The following BNIP3L variants were observed in gnomAD, a reference collection of about 807,000 sequenced individuals.
BNIP3L encodes BCL2 interacting protein 3 like, also known as BCL2/adenovirus E1B 19 kDa protein-interacting protein 3-like.
A neutral mutation model predicts 25.5 loss-of-function variants in BNIP3L; 10 were observed. The observed-to-expected ratio is 0.39, with a 90% CI of 0.24 to 0.67. The LOEUF (loss-of-function observed/expected upper bound fraction) is 0.67, where lower values mean the gene tolerates loss of function less well. Ranked by LOEUF, BNIP3L falls within the 30% of genes least tolerant of loss-of-function variation. The pLI, the probability that BNIP3L is intolerant of heterozygous loss-of-function variation, is 0.45. For missense variants in BNIP3L, 215 were observed against 270.9 expected, an observed-to-expected ratio of 0.79 and a Z score of 1.45; for synonymous variants, 113 against 101.2, an observed-to-expected ratio of 1.12 and a Z score of -0.70.
chr8:26,411,174 G>A lies in BNIP3L; in HGVS notation c.*762G>A, dbSNP rs1219790084. ...AGAATCTTTCTTTCTGATAAGGAAC[G>A]TCTCAGGCTTAGAAATATATGAAAT... On this transcript the variant is annotated 3_prime_UTR_variant, in exon 6 of 6. Transcript: ENST00000380629. 2.0e-5 allele frequency: 3 copies of A among 152,514 alleles called. No individual in the cohort carries two copies. The highest frequency in any genetic ancestry group is 4.4e-5 in the Non-Finnish European group (3 of 68,012). 9.4% of individuals were successfully genotyped at this position (152,514 alleles called of 1,614,324 possible). A position where few individuals can be genotyped will look rare whatever the true frequency, so the allele number is the denominator to read the frequency against.
chr8:26,396,363 C>G (rs1325001730), intron 3 of BNIP3L, among the ~76,000 whole-genome samples: 8 of 80,002 alleles, frequency 1.0e-4, no homozygotes, highest in East Asian at 3.3e-4. Context: ...AGCAGGGGCA[C>G]ACTGACACCT....
At chr8:26,389,829 A>G (rs1268824569) in intron 1 of BNIP3L, among the ~76,000 whole-genome samples, 2 of 152,156 alleles carry the variant, frequency 1.3e-5, no homozygotes, top group Admixed American at 6.6e-5. Flanking sequence ...GGTGATGTTC[A>G]GTTCACTCTG....
chr8:26,386,886 A>G (rs1023864060), intron 1 of BNIP3L, among the ~76,000 whole-genome samples: 6 of 150,252 alleles, frequency 4.0e-5, no homozygotes, highest in Admixed American at 6.6e-5. Context: ...TCAAAAATTT[A>G]TTTATTTATT....
chr8:26,396,298 T>A (rs1222967368), intron 3 of BNIP3L, among the ~76,000 whole-genome samples: 1 of 86,324 alleles, frequency 1.2e-5, no homozygotes, highest in Non-Finnish European at 2.4e-5. Flanking sequence ...GACTGCCTCC[T>A]CAAGTGGGTC....
chr8:26,398,007 C>A (rs1585435551), intron 3 of BNIP3L, among the ~76,000 whole-genome samples: 1 of 47,038 alleles, frequency 2.1e-5, no homozygotes, highest in African/African-American at 8.9e-5. Context: ...GACTTAGACT[C>A]CCACACATTA....
At position 26,383,063 on chromosome 8, in the gene BNIP3L, T is replaced by C; in HGVS notation, c.-68T>C. The C allele has an allele frequency of 7.0e-7, 1 of 1,436,802 alleles. No individual in the cohort carries two copies. 89.0% of individuals were successfully genotyped at this position (1,436,802 alleles called of 1,614,324 possible). A position where few individuals can be genotyped will look rare whatever the true frequency, so the allele number is the denominator to read the frequency against. On this transcript the variant is annotated 5_prime_UTR_variant, in exon 1 of 6. Transcript: ENST00000380629. ...CAGAAAAGGGGGCGGCGGACTCGGC[T>C]TGTTGTGTTGCTGCCTGAGTGCCGG...
chr8:26,410,549 T>C lies in BNIP3L; in HGVS notation c.*137T>C. The C allele has an allele frequency of 1.1e-6, 1 of 951,402 alleles. No homozygotes were observed. Among genetic ancestry groups the C allele is most frequent in the Non-Finnish European group, 1.6e-6 (1 of 607,104 alleles). 58.9% of individuals were successfully genotyped at this position (951,402 alleles called of 1,614,324 possible). A position where few individuals can be genotyped will look rare whatever the true frequency, so the allele number is the denominator to read the frequency against. On this transcript the variant is annotated 3_prime_UTR_variant, in exon 6 of 6. Transcript: ENST00000380629. ...TTTACATATCCAATTCCAGTAACTC[T>C]CAAATTCAATATTTTATTCAAACTC...
chr8:26,404,323 T>C (rs1806453357), intron 3 of BNIP3L, among the ~76,000 whole-genome samples: 1 of 152,220 alleles, frequency 6.6e-6, no homozygotes, highest in Admixed American at 6.5e-5. Context: ...TGAAAAATGA[T>C]CCAAACAGAA....
At chr8:26,394,664 A>C (rs1415308777) in intron 2 of BNIP3L, among the ~76,000 whole-genome samples, 2 of 152,242 alleles carry the variant, frequency 1.3e-5, no homozygotes, top group Non-Finnish European at 2.9e-5. Context: ...CTGTGTTTGC[A>C]TTCTAACTGT....
At chr8:26,401,755 T>C (rs1043752534) in intron 3 of BNIP3L, among the ~76,000 whole-genome samples, 3 of 152,150 alleles carry the variant, frequency 2.0e-5, no homozygotes, top group Non-Finnish European at 4.4e-5. Context: ...TCCTTCAAGA[T>C]AAATATTGTT....
At chr8:26,392,857 G>GT (rs1806146227) in intron 2 of BNIP3L, among the ~76,000 whole-genome samples, 1 of 152,122 alleles carries the variant, frequency 6.6e-6, no homozygotes, top group Admixed American at 6.5e-5. Context: ...CCATGAGCCT[G>GT]TTGTTCACAT....
intron 1 of BNIP3L, among the ~76,000 whole-genome samples, chr8:26,388,254 G>T (rs903066325): frequency 6.6e-6 from 1 of 152,168 alleles, no homozygotes; most frequent in Non-Finnish European, 1.5e-5. Flanking sequence ...TATAATTGTA[G>T]TAGCTAAAAC....
chr8:26,383,327 A>G (rs1805899173), intron 1 of BNIP3L, 97 bp downstream of exon 1: 1 of 1,516,856 alleles, frequency 6.6e-7, no homozygotes, highest in Admixed American at 2.1e-5. Flanking sequence ...AGGAGAAGGC[A>G]GCTCATTGGC....
chr8:26,402,914 A>G (rs772880308), intron 3 of BNIP3L, among the ~76,000 whole-genome samples: 2 of 152,228 alleles, frequency 1.3e-5, no homozygotes, highest in Non-Finnish European at 2.9e-5. Context: ...TTCCTGGCTC[A>G]TGGAGTTGCA....
intron 1 of BNIP3L, chr8:26,390,359 T>G (rs898666227): frequency 6.1e-6 from 6 of 985,276 alleles, no homozygotes; most frequent in African/African-American, 3.5e-5. Context: ...ATCCCCTTTT[T>G]CTGTGGCTCC....
At position 26,412,372 on chromosome 8, in the gene BNIP3L, A is replaced by AG. The variant is rs879817162; in HGVS notation, c.*1966dup. On this transcript the variant is annotated 3_prime_UTR_variant, in exon 6 of 6. Coordinates refer to ENST00000380629, the MANE Select transcript of BNIP3L (RefSeq NM_004331.3). ...CAATTTCTATTACAATTGGTATTAC[A>AG]GGGGGGAAAAGTAAAATTACACTTT... 1 of 152,312 alleles carries AG rather than the reference A, an allele frequency of 6.6e-6. No individual in the cohort carries two copies. Among genetic ancestry groups the AG allele is most frequent in the South Asian group, 2.1e-4 (1 of 4,828 alleles). 9.4% of individuals were successfully genotyped at this position (152,312 alleles called of 1,614,324 possible).
rs556740718 is a variant in BNIP3L at position 26,407,946 on chromosome 8, A to G, written c.358-54A>G. ...CTTTTCTGTCTAGATTTTTCTTTGT[A>G]TTAGGAGGAATTGGTCTTCCTTTTT... On this transcript the variant is annotated intron_variant, in intron 3 of 5. Coordinates refer to ENST00000380629, the MANE Select transcript of BNIP3L (RefSeq NM_004331.3). The G allele has an allele frequency of 7.1e-5, 106 of 1,499,954 alleles. 1 individual carries two copies. In the African/African-American group the frequency reaches 1.2e-3, roughly 17 times the overall value. 92.9% of individuals were successfully genotyped at this position (1,499,954 alleles called of 1,614,324 possible).
chr8:26,383,097 C>G lies in BNIP3L; in HGVS notation c.-34C>G, dbSNP rs771026798. 5.1e-6 allele frequency: 8 copies of G among 1,553,810 alleles called. No individual in the cohort carries two copies. Among genetic ancestry groups the G allele is most frequent in the Admixed American group, 3.8e-5 (2 of 53,110 alleles). On this transcript the variant is annotated 5_prime_UTR_variant, in exon 1 of 6. Coordinates refer to ENST00000380629, the MANE Select transcript of BNIP3L (RefSeq NM_004331.3). ...TGCTGCCTGAGTGCCGGAGACGGTC[C>G]TGCTGCTGCCGCAGTCCTGCCAGCT...
chr8:26,386,617 T>C (rs947202397), intron 1 of BNIP3L, among the ~76,000 whole-genome samples: 3 of 152,178 alleles, frequency 2.0e-5, no homozygotes, highest in Non-Finnish European at 4.4e-5. Context: ...TTATTTCTTG[T>C]AGAGTTCGAG....
Sources: allele counts gnomAD v4.1 joint callset (sites outside exome capture counted in the v4.1 genomes callset), GRCh38; gene constraint gnomAD v4.1.1; transcripts MANE v1.5; gene names NCBI Gene and HGNC (gene_info 2026-07-23, HGNC 2026-07-21).